NELL1: variants seen among roughly 807,000 people sequenced by gnomAD.
The protein encoded by NELL1 is protein kinase C-binding protein NELL1.
Under a neutral mutation model 107.4 loss-of-function variants are expected in NELL1, and 76 were observed. The ratio of observed to expected loss-of-function variants is 0.71; its 90% CI spans 0.59 to 0.86. The LOEUF (loss-of-function observed/expected upper bound fraction) is 0.86, where lower values mean the gene tolerates loss of function less well. Among genes scored for constraint, NELL1 ranks in the 40% least tolerant of loss-of-function variants. The pLI, the probability that NELL1 is intolerant of heterozygous loss-of-function variation, is 0.00. For synonymous variants in NELL1, 353 were observed against 341.2 expected, an observed-to-expected ratio of 1.03 and a Z score of -0.38; for missense variants, 1,024 against 1,005.5, an observed-to-expected ratio of 1.02 and a Z score of -0.25.
chr11:20,989,912 G>T (rs978157671), intron 12 of NELL1, among the ~76,000 whole-genome samples: 2 of 151,430 alleles, frequency 1.3e-5, no homozygotes, highest in African/African-American at 2.4e-5. Context: ...CAGAAGAATG[G>T]CATGAACCCG....
intron 4 of NELL1, among the ~76,000 whole-genome samples, chr11:20,854,726 C>G (rs1349530096): frequency 3.3e-5 from 5 of 151,988 alleles, no homozygotes; most frequent in African/African-American, 1.2e-4. Flanking sequence ...GTGTGGGATG[C>G]AGGCTTTTCT....
At chr11:21,287,967 C>T (rs1032626830) in intron 14 of NELL1, among the ~76,000 whole-genome samples, 1 of 147,794 alleles carries the variant, frequency 6.8e-6, no homozygotes, top group Non-Finnish European at 1.5e-5. Flanking sequence ...TTCATACTCA[C>T]TCTAAAGAAA....
At chr11:21,464,414 A>AC (rs1167314932) in intron 15 of NELL1, among the ~76,000 whole-genome samples, 3 of 151,828 alleles carry the variant, frequency 2.0e-5, no homozygotes, top group Non-Finnish European at 4.4e-5. Context: ...AAAAAAAAAA[A>AC]AAAAAAATTC....
intron 13 of NELL1, among the ~76,000 whole-genome samples, chr11:21,163,682 C>T (rs1319429116): frequency 6.6e-6 from 1 of 152,124 alleles, no homozygotes; most frequent in African/African-American, 2.4e-5. Context: ...GATAAAGCTG[C>T]CAGCAGATTT....
rs564798016 is a variant in NELL1, at chr11:20,776,159, T to TG, written c.185-7516dup. Among the ~76,000 whole-genome samples, 890 of 152,192 alleles carry TG rather than the reference T, an allele frequency of 5.8e-3. 4 individuals carry two copies. The highest frequency in any genetic ancestry group is 9.4e-3 in the Non-Finnish European group (636 of 67,978). ...GTGGGGAATAAATATAGCACTTGGC[T>TG]GGGGGCCGTGGCTCATGCTTGTAAT... On this transcript the variant is annotated intron_variant, in intron 2 of 19. Transcript: ENST00000357134.
intron 3 of NELL1, among the ~76,000 whole-genome samples, chr11:20,800,183 C>CAAGCT: frequency 6.6e-6 from 1 of 152,114 alleles, no homozygotes; most frequent in African/African-American, 2.4e-5. Flanking sequence ...GTGTATGTGT[C>CAAGCT]CTTTCGATAG....
chr11:21,492,876 C>G (rs1854865073), intron 15 of NELL1, among the ~76,000 whole-genome samples: 1 of 151,636 alleles, frequency 6.6e-6, no homozygotes, highest in Admixed American at 6.6e-5. Flanking sequence ...GCACATGTAC[C>G]CTAAAACTTA....
chr11:21,245,986 G>A (rs1480846473), intron 14 of NELL1, among the ~76,000 whole-genome samples: 1 of 152,020 alleles, frequency 6.6e-6, no homozygotes, highest in African/African-American at 2.4e-5. Context: ...CAATCATCTG[G>A]TCCACCAGAT....
At chr11:20,727,472 C>T (rs970744828) in intron 2 of NELL1, among the ~76,000 whole-genome samples, 9 of 151,844 alleles carry the variant, frequency 5.9e-5, no homozygotes, top group Non-Finnish European at 8.8e-5. Flanking sequence ...AATTTGTTGG[C>T]GTTCATTGTA....
intron 7 of NELL1, among the ~76,000 whole-genome samples, chr11:20,920,156 GT>G (rs1850346614): frequency 6.6e-6 from 1 of 152,236 alleles, no homozygotes; most frequent in South Asian, 2.1e-4. Context: ...ATACCAATCA[GT>G]TGTGGACATG....
chr11:20,861,756 T>C (rs931439699), intron 4 of NELL1, among the ~76,000 whole-genome samples: 2 of 152,094 alleles, frequency 1.3e-5, no homozygotes, highest in Non-Finnish European at 2.9e-5. Flanking sequence ...TGAGAGACAG[T>C]GTAGTTTAGT....
chr11:20,722,332 T>C (rs1206107973), intron 2 of NELL1, among the ~76,000 whole-genome samples: 1 of 152,134 alleles, frequency 6.6e-6, no homozygotes, highest in Non-Finnish European at 1.5e-5. Context: ...TGAGTCTCCA[T>C]TCCTCACCTC....
At chr11:21,161,807 T>A (rs964421028) in intron 13 of NELL1, among the ~76,000 whole-genome samples, 14 of 152,086 alleles carry the variant, frequency 9.2e-5, no homozygotes, top group African/African-American at 2.9e-4. Flanking sequence ...AAAGCTGGTA[T>A]GTATTTTATA....
At chr11:20,803,954 C>T (rs760286875) in intron 3 of NELL1, among the ~76,000 whole-genome samples, 7 of 152,150 alleles carry the variant, frequency 4.6e-5, no homozygotes, top group Non-Finnish European at 8.8e-5. Context: ...CCTCGAACAT[C>T]GGACTCCCAG....
chr11:21,477,616 T>C (rs1854371116), intron 15 of NELL1, among the ~76,000 whole-genome samples: 1 of 151,978 alleles, frequency 6.6e-6, no homozygotes, highest in African/African-American at 2.4e-5. Context: ...ATGAAGAATA[T>C]AATAAATACC....
intron 5 of NELL1, among the ~76,000 whole-genome samples, chr11:20,917,311 A>G (rs1850279552): frequency 6.6e-6 from 1 of 151,928 alleles, no homozygotes; most frequent in African/African-American, 2.4e-5. Flanking sequence ...AATATTTCCA[A>G]TTAATATTTT....
At chr11:21,073,004 C>A (rs774648242) in intron 12 of NELL1, among the ~76,000 whole-genome samples, 3 of 152,116 alleles carry the variant, frequency 2.0e-5, no homozygotes, top group African/African-American at 4.8e-5. Flanking sequence ...ATTTCCCCAT[C>A]GTTTATAATA....
chr11:21,064,459 G>C (rs1853820140), intron 12 of NELL1, among the ~76,000 whole-genome samples: 1 of 152,180 alleles, frequency 6.6e-6, no homozygotes, highest in Non-Finnish European at 1.5e-5. Context: ...TTTGAAGCTA[G>C]AGCCGATAGG....
chr11:21,146,592 A>G (rs538509953), intron 13 of NELL1, among the ~76,000 whole-genome samples: 1 of 152,354 alleles, frequency 6.6e-6, no homozygotes, highest in East Asian at 1.9e-4. Context: ...AAGCCAGCCA[A>G]CAGGGCCCTC....
Sources: gnomAD v4.1 joint callset for allele counts (sites outside exome capture counted in the v4.1 genomes callset) on GRCh38, gnomAD v4.1.1 for gene constraint, MANE v1.5 for transcripts, NCBI Gene and HGNC (gene_info 2026-07-23, HGNC 2026-07-21) for gene names.